Variants in CCDC159 observed in about 807,000 individuals in gnomAD.
CCDC159 encodes the protein coiled-coil domain containing 159, also known as coiled-coil domain-containing protein 159.
CCDC159 carries 40 observed loss-of-function variants against 50.9 expected under a neutral mutation model. The ratio of observed to expected loss-of-function variants is 0.79; its 90% CI spans 0.61 to 1.02. CCDC159 has a LOEUF of 1.02. CCDC159 is among the 50% of genes least tolerant of loss of function. The probability of loss-of-function intolerance (pLI) is 0.00; values close to 1 mark genes in which losing one functional copy is unlikely to be tolerated. For missense variants in CCDC159, 356 were observed against 371.5 expected, an observed-to-expected ratio of 0.96 and a Z score of 0.34; for synonymous variants, 146 against 138.9, an observed-to-expected ratio of 1.05 and a Z score of -0.36.
At chr19:11,349,884 T>C in intron 2 of CCDC159, 54 bp from the exon 3 acceptor site, 1 of 1,553,992 alleles carries the variant, frequency 6.4e-7, no homozygotes. Flanking sequence ...TGCCCTGCCC[T>C]TGCCCCAGAC....
intron 1 of CCDC159, 133 bp from the exon 2 acceptor site, chr19:11,349,521 G>A: frequency 2.7e-6 from 3 of 1,127,272 alleles, no homozygotes; most frequent in South Asian, 2.7e-5. Flanking sequence ...GTGCAGCTTT[G>A]CCTGCACTTA....
At chr19:11,348,863 A>C in intron 1 of CCDC159, 1 of 685,308 alleles carries the variant, frequency 1.5e-6, no homozygotes, top group Non-Finnish European at 2.4e-6. Context: ...TGTGACAAGT[A>C]CTGGGGTTAG....
At chr19:11,351,070 G>A in intron 5 of CCDC159, 67 bp downstream of exon 5, 1 of 1,406,688 alleles carries the variant, frequency 7.1e-7, no homozygotes, top group Non-Finnish European at 9.5e-7. Context: ...CTGGGGAATG[G>A]AGGCAGGATG....
intron 4 of CCDC159, 63 bp downstream of exon 4, chr19:11,350,262 C>G: frequency 6.9e-7 from 1 of 1,458,616 alleles, no homozygotes; most frequent in Non-Finnish European, 9.4e-7. Flanking sequence ...GCCTGTAATC[C>G]CAGCATTTGG....
chr19:11,352,216 A>G, intron 7 of CCDC159, 83 bp downstream of exon 7: 3 of 1,389,278 alleles, frequency 2.2e-6, no homozygotes, highest in Non-Finnish European at 3.0e-6. Context: ...ATGAGATTGG[A>G]GCCTGGGTTC....
At position 11,353,846 on chromosome 19, in the gene CCDC159, G is replaced by A; in HGVS notation, c.744G>A (p.Gly248=). 2 of 1,591,242 alleles carry A rather than the reference G, an allele frequency of 1.3e-6. No homozygotes were observed. Among genetic ancestry groups the A allele is most frequent in the Non-Finnish European group, 1.7e-6 (2 of 1,169,002 alleles). Residue 248 remains glycine, a synonymous_variant, in exon 9 of 11, where the codon GGG becomes GGA. Coordinates refer to ENST00000458408, the MANE Select transcript of CCDC159 (RefSeq NM_001080503.3). ...TAGACAGCCTCACTTTGTGCTCGGG[G>A]GCCTGTCCCAAGGCCTCGAGCCTAA... ...NSIDSLTLCS[G]ACPKASSLRG...
In CCDC159 at chr19:11,354,902, G is replaced by A; in HGVS notation, c.*25G>A. On this transcript the variant is annotated 3_prime_UTR_variant, in exon 11 of 11. Transcript: ENST00000458408. ...AGCAGCCGGGACTGCTCTCCCTGAA[G>A]ACCCCTCCAGAGAGAAAATAAACTA... 6.2e-7 allele frequency: 1 copy of A among 1,613,170 alleles called. No homozygotes were observed. The highest frequency in any genetic ancestry group is 8.5e-7 in the Non-Finnish European group (1 of 1,179,456).
chr19:11,354,648 G>A lies in CCDC159; in HGVS notation c.841G>A (p.Asp281Asn). The A allele has an allele frequency of 6.2e-7, 1 of 1,606,546 alleles. No individual in the cohort carries two copies. The highest frequency in any genetic ancestry group is 1.1e-5 in the South Asian group (1 of 89,928). The change falls in exon 10 of 11, where the codon GAC becomes AAC. Residue 281 changes from aspartate to asparagine, a missense_variant. Coordinates refer to ENST00000458408, the MANE Select transcript of CCDC159 (RefSeq NM_001080503.3). ...SWDSDSDCDQ[D>N]LSQPPFSKSG... ...GGACTCTGACTCCGACTGTGACCAG[G>A]ACCTCTCCCAGCCACCTTTCAGCAA...
chr19:11,350,124 G>A lies in CCDC159; in HGVS notation c.151G>A (p.Glu51Lys), dbSNP rs763581522. ...SQLQAQTKAF[E>K]FLNHSVTMLE... The stretch of plus-strand genomic sequence containing the variant: ...GCTGACCTCTTTCCCCCAGGCTTTC[G>A]AGTTCCTGAACCACTCAGTGACCAT... The change falls in exon 4 of 11, where the codon GAG becomes AAG. Residue 51 changes from glutamate to lysine, a missense_variant. By Grantham distance (56) the Glu-to-Lys change is moderately conservative. Coordinates refer to ENST00000458408, the MANE Select transcript of CCDC159 (RefSeq NM_001080503.3). 1.4e-5 allele frequency: 22 copies of A among 1,613,326 alleles called. No homozygotes were observed. The highest frequency in any genetic ancestry group is 5.5e-5 in the South Asian group (5 of 91,022).
intron 5 of CCDC159, chr19:11,351,680 G>A (rs1044592538): frequency 4.0e-6 from 2 of 500,110 alleles, no homozygotes; most frequent in Non-Finnish European, 7.2e-6. Flanking sequence ...TGGAGGCCAG[G>A]TGATAGGAGG....
chr19:11,349,208 C>T (rs919907245), intron 1 of CCDC159: 11 of 1,311,778 alleles, frequency 8.4e-6, no homozygotes, highest in Middle Eastern at 2.1e-4. Flanking sequence ...CACCCCCACC[C>T]GGGAAACCCC....
chr19:11,350,268 T>C (rs2144630432), intron 4 of CCDC159, 69 bp downstream of exon 4: 1 of 1,389,346 alleles, frequency 7.2e-7, no homozygotes. Flanking sequence ...AATCCCAGCA[T>C]TTGGGGAGGC....
At chr19:11,348,765 C>T (rs145208415) in intron 1 of CCDC159, 75 of 517,242 alleles carry the variant, frequency 1.5e-4, no homozygotes, top group African/African-American at 1.3e-3. Context: ...CTCTTTTGGC[C>T]GGCCTACCCC....
chr19:11,354,665 T>G lies in CCDC159; in HGVS notation c.858T>G (p.Pro286=). The change falls in exon 10 of 11, where the codon CCT becomes CCG. Residue 286 remains proline, a synonymous_variant. Coordinates refer to ENST00000458408, the MANE Select transcript of CCDC159 (RefSeq NM_001080503.3). ...GTGACCAGGACCTCTCCCAGCCACC[T>G]TTCAGCAAGAGCGGCCGCTCCTTCC... The part of the protein sequence containing the change: ...SDCDQDLSQP[P]FSKSGRSFPP... 6.2e-7 allele frequency: 1 copy of G among 1,607,126 alleles called. No individual in the cohort carries two copies. The highest frequency in any genetic ancestry group is 8.5e-7 in the Non-Finnish European group (1 of 1,176,692).
In CCDC159 at chr19:11,354,569, C is replaced by T. The variant is rs1435989133; in HGVS notation, c.773-11C>T. On this transcript the variant is annotated splice_polypyrimidine_tract_variant and intron_variant, in intron 9 of 10. Transcript: ENST00000458408. ...TGAGGGTCACATTCAGGGAACCTGT[C>T]CCTCCTGCAGGCCACAAGGGGCACC... 1 of 1,569,064 alleles carries T rather than the reference C, an allele frequency of 6.4e-7. No individual in the cohort carries two copies. The highest frequency in any genetic ancestry group is 8.6e-7 in the Non-Finnish European group (1 of 1,157,568).
At position 11,352,136 on chromosome 19, in the gene CCDC159, G is replaced by A; in HGVS notation, c.567+3G>A. Reference sequence around the variant, plus strand: ...AAACGCAGGTGAAATGCCGCAAAGTGAGTGGAGGAGATGGGGACCCTGGGG... The same window carrying A: ...AAACGCAGGTGAAATGCCGCAAAGTAAGTGGAGGAGATGGGGACCCTGGGG... On this transcript the variant is annotated splice_donor_region_variant and intron_variant, in intron 7 of 10. Coordinates refer to ENST00000458408, the MANE Select transcript of CCDC159 (RefSeq NM_001080503.3). 1 of 1,612,864 alleles carries A rather than the reference G, an allele frequency of 6.2e-7. No individual in the cohort carries two copies. Among genetic ancestry groups the A allele is most frequent in the Non-Finnish European group, 8.5e-7 (1 of 1,179,802 alleles).
At chr19:11,354,236 G>C (rs1967752737) in intron 9 of CCDC159, among the ~76,000 whole-genome samples, 1 of 151,922 alleles carries the variant, frequency 6.6e-6, no homozygotes. Flanking sequence ...AAACTAGCTG[G>C]GTGATGGTGC....
Position 11,354,660 on chromosome 19 carries a change from C to T in CCDC159, c.853C>T (p.Pro285Ser). 1 of 1,607,010 alleles carries T rather than the reference C, an allele frequency of 6.2e-7. No individual in the cohort carries two copies. Among genetic ancestry groups the T allele is most frequent in the Non-Finnish European group, 8.5e-7 (1 of 1,176,614 alleles). The change falls in exon 10 of 11, where the codon CCA (proline) becomes TCA (serine). Residue 285 changes from proline to serine, a missense_variant. Pro to Ser is a moderately conservative substitution (Grantham distance 74). Transcript: ENST00000458408. ...CGACTGTGACCAGGACCTCTCCCAG[C>T]CACCTTTCAGCAAGAGCGGCCGCTC... ...DSDCDQDLSQ[P>S]PFSKSGRSFP...
At position 11,346,602 on chromosome 19, in the gene CCDC159, C is replaced by A. The variant is rs1343369467; in HGVS notation, c.-5C>A. 1.5e-5 allele frequency: 23 copies of A among 1,551,366 alleles called. No individual in the cohort carries two copies. Among genetic ancestry groups the A allele is most frequent in the Non-Finnish European group, 2.0e-5 (23 of 1,146,920 alleles). On this transcript the variant is annotated 5_prime_UTR_variant, in exon 1 of 11. Transcript: ENST00000458408. ...CACAGCTGAGGACTGGCTTCGTGGT[C>A]CCTGATGGGAGAGCATGAACAGGTG...
Sources: allele counts gnomAD v4.1 joint callset (sites outside exome capture counted in the v4.1 genomes callset), GRCh38; gene constraint gnomAD v4.1.1; transcripts MANE v1.5; gene names NCBI Gene and HGNC (gene_info 2026-07-23, HGNC 2026-07-21).